Variants in RICTOR observed in about 807,000 individuals in gnomAD.
RICTOR encodes RPTOR independent companion of MTOR complex 2.
A neutral mutation model predicts 214.9 loss-of-function variants in RICTOR; 49 were observed. That is an observed-to-expected ratio of 0.23 (90% confidence interval 0.18 to 0.29). The LOEUF is 0.29. RICTOR is among the 10% of genes least tolerant of loss of function. The probability of loss-of-function intolerance (pLI) is 1.00; values close to 1 mark genes in which losing one functional copy is unlikely to be tolerated. For synonymous variants in RICTOR, 717 were observed against 711.3 expected (o/e 1.01, Z -0.13); for missense variants, 1,625 against 2,047.0 (o/e 0.79, Z 3.98).
intron 15 of RICTOR, among the ~76,000 whole-genome samples, chr5:38,965,888 A>G (rs191649893): frequency 1.3e-5 from 2 of 152,220 alleles, no homozygotes; most frequent in African/African-American, 4.8e-5. Context: ...ATTTCAAAAG[A>G]TTTGCCATAG....
At chr5:39,060,414 A>G (rs143431887) in intron 2 of RICTOR, among the ~76,000 whole-genome samples, 1 of 152,210 alleles carries the variant, frequency 6.6e-6, no homozygotes, top group Admixed American at 6.5e-5. Flanking sequence ...AAAACAAAGA[A>G]TTAAAGGACT....
chr5:38,957,501 C>A, intron 25 of RICTOR, 151 bp downstream of exon 25: 1 of 572,738 alleles, frequency 1.7e-6, no homozygotes, highest in Non-Finnish European at 3.1e-6. Flanking sequence ...AGCAATTATG[C>A]AGAATTTAGG....
chr5:38,961,191 G>T (rs1188774496), intron 19 of RICTOR, among the ~76,000 whole-genome samples: 1 of 151,940 alleles, frequency 6.6e-6, no homozygotes, highest in East Asian at 1.9e-4. Flanking sequence ...TGGTGAGATG[G>T]TTAGAAAAAA....
intron 2 of RICTOR, among the ~76,000 whole-genome samples, chr5:39,038,603 A>G (rs1025491268): frequency 9.2e-5 from 14 of 152,258 alleles, no homozygotes; most frequent in African/African-American, 3.4e-4. Context: ...CCTTAAGCTG[A>G]TAAGTAACTT....
chr5:38,984,048 C>T (rs551454961), intron 7 of RICTOR, among the ~76,000 whole-genome samples: 5,491 of 26,030 alleles, frequency 0.21, 173 homozygotes, highest in Non-Finnish European at 0.28. Flanking sequence ...TAAGAATTAC[C>T]TGTTTTTTTT....
chr5:39,046,108 G>A (rs905438046), intron 2 of RICTOR, among the ~76,000 whole-genome samples: 1 of 151,366 alleles, frequency 6.6e-6, no homozygotes, highest in East Asian at 1.9e-4. Context: ...CCAAAACTCT[G>A]GGAGGCCAAG....
At chr5:38,947,883 CATT>C (rs1381765031) in intron 31 of RICTOR, among the ~76,000 whole-genome samples, 3 of 152,062 alleles carry the variant, frequency 2.0e-5, no homozygotes, top group Non-Finnish European at 4.4e-5. Context: ...AATTACATAT[CATT>C]ATTTGTGTGA....
intron 2 of RICTOR, among the ~76,000 whole-genome samples, chr5:39,039,653 A>G (rs77326070): frequency 0.62 from 94,445 of 151,638 alleles, 29,504 homozygotes; most frequent in African/African-American, 0.67. Context: ...AAAAGTGGGC[A>G]AAGGATATGA....
At chr5:38,974,564 A>C (rs1210421396) in intron 10 of RICTOR, among the ~76,000 whole-genome samples, 2 of 152,174 alleles carry the variant, frequency 1.3e-5, no homozygotes, top group African/African-American at 4.8e-5. Flanking sequence ...AGGAGTGGTA[A>C]AGGAAGATGA....
chr5:38,984,814 T>C (rs1332276119), intron 7 of RICTOR, among the ~76,000 whole-genome samples: 2 of 152,150 alleles, frequency 1.3e-5, no homozygotes, highest in Non-Finnish European at 2.9e-5. Context: ...AATATGTTGT[T>C]GTTGTTGGTG....
At position 38,960,459 on chromosome 5, in the gene RICTOR, T is replaced by C. The variant is rs1579920491; in HGVS notation, c.1790A>G (p.Lys597Arg). 9 of 1,613,982 alleles carry C rather than the reference T, an allele frequency of 5.6e-6. No homozygotes were observed. The East Asian group carries it at 8.9e-5, about 16-fold the overall frequency. Reference protein sequence around the residue: ...LYANLDLDFAKAKQLTVVGCQ... With the variant: ...LYANLDLDFARAKQLTVVGCQ... ...ACCTACAACCGTGAGCTGTTTGGCC[T>C]TGGCAAAATCCAGATCCAGGTTGGC... Residue 597 changes from lysine to arginine, a missense_variant, in exon 20 of 38, where the codon AAG becomes AGG. Lys to Arg is a conservative substitution (Grantham distance 26). Transcript: ENST00000357387.
At chr5:38,955,566 A>T in intron 26 of RICTOR, 29 bp downstream of exon 26, 1 of 1,087,740 alleles carries the variant, frequency 9.2e-7, no homozygotes, top group Non-Finnish European at 1.4e-6. Context: ...ATGATGAACT[A>T]GTTTTAAATC....
At chr5:39,034,576 G>A (rs1050898562) in intron 2 of RICTOR, among the ~76,000 whole-genome samples, 38 of 152,322 alleles carry the variant, frequency 2.5e-4, no homozygotes, top group Admixed American at 7.8e-4. Flanking sequence ...TCAAAGAAAG[G>A]GGTGACAGAT....
chr5:38,951,542 C>T (rs542257645), intron 30 of RICTOR, among the ~76,000 whole-genome samples: 1 of 152,004 alleles, frequency 6.6e-6, no homozygotes, highest in South Asian at 2.1e-4. Flanking sequence ...AGCACTTCTT[C>T]TTTCTTCTTC....
At chr5:39,006,109 A>G (rs1754033655) in intron 3 of RICTOR, among the ~76,000 whole-genome samples, 2 of 152,172 alleles carry the variant, frequency 1.3e-5, no homozygotes, top group African/African-American at 4.8e-5. Context: ...TTCTGGGCCT[A>G]ATGCTTGAAT....
At chr5:39,048,659 T>C (rs1490860379) in intron 2 of RICTOR, among the ~76,000 whole-genome samples, 1 of 152,174 alleles carries the variant, frequency 6.6e-6, no homozygotes, top group East Asian at 1.9e-4. Context: ...CCATGTATCT[T>C]TTCCCTTTGC....
chr5:39,043,258 G>C (rs1431217554), intron 2 of RICTOR, among the ~76,000 whole-genome samples: 1 of 152,012 alleles, frequency 6.6e-6, no homozygotes, highest in Admixed American at 6.6e-5. Context: ...ATAGATAAAT[G>C]AATTTTTTAA....
chr5:39,017,997 A>T (rs1417793131), intron 3 of RICTOR, among the ~76,000 whole-genome samples: 1 of 152,200 alleles, frequency 6.6e-6, no homozygotes, highest in Admixed American at 6.5e-5. Flanking sequence ...GCAAGGGATT[A>T]AACATAAAAT....
intron 14 of RICTOR, 76 bp from the exon 15 acceptor site, chr5:38,966,797 CAA>C: frequency 1.6e-6 from 1 of 634,646 alleles, no homozygotes; most frequent in Non-Finnish European, 2.5e-6. Context: ...ATTTATTTTT[CAA>C]AATTTTTTTT....
Sources: allele counts gnomAD v4.1 joint callset (sites outside exome capture counted in the v4.1 genomes callset), GRCh38; gene constraint gnomAD v4.1.1; transcripts MANE v1.5; gene names NCBI Gene and HGNC (gene_info 2026-07-23, HGNC 2026-07-21).